The following PDE5A variants were observed in gnomAD, a reference collection of about 807,000 sequenced individuals.
PDE5A encodes the protein cGMP-specific 3',5'-cyclic phosphodiesterase.
PDE5A carries 67 observed loss-of-function variants against 110.2 expected under a neutral mutation model. That is an observed-to-expected ratio of 0.61 (90% CI 0.50 to 0.75). The LOEUF is 0.75. Ranked by LOEUF, PDE5A falls within the 30% of genes least tolerant of loss-of-function variation. The pLI, the probability that PDE5A is intolerant of heterozygous loss-of-function variation, is 0.00. For missense variants in PDE5A, 862 were observed against 1,045.1 expected, an observed-to-expected ratio of 0.82 and a Z score of 2.42; for synonymous variants, 328 against 351.2, an observed-to-expected ratio of 0.93 and a Z score of 0.74.
At chr4:119,605,226 T>G (rs1019605858) in intron 2 of PDE5A, among the ~76,000 whole-genome samples, 2 of 152,164 alleles carry the variant, frequency 1.3e-5, no homozygotes, top group African/African-American at 4.8e-5. Context: ...ATCCACACAC[T>G]TACATGGTCC....
chr4:119,609,828 T>C (rs891005654), intron 1 of PDE5A, among the ~76,000 whole-genome samples: 22 of 152,214 alleles, frequency 1.4e-4, no homozygotes, highest in African/African-American at 5.1e-4. Flanking sequence ...GTAAACTACC[T>C]TGACTTAGCC....
chr4:119,583,604 C>G (rs1009541967), intron 3 of PDE5A, among the ~76,000 whole-genome samples: 1 of 152,186 alleles, frequency 6.6e-6, no homozygotes, highest in Admixed American at 6.5e-5. Flanking sequence ...TAAGCTTATT[C>G]ATTTCTAGCT....
At chr4:119,503,845 C>T (rs1578723007) in intron 18 of PDE5A, among the ~76,000 whole-genome samples, 1 of 151,972 alleles carries the variant, frequency 6.6e-6, no homozygotes, top group South Asian at 2.1e-4. Context: ...AAAAGAAAAG[C>T]CTTTGTATGT....
chr4:119,620,115 C>A (rs1730090566), intron 1 of PDE5A, among the ~76,000 whole-genome samples: 2 of 152,162 alleles, frequency 1.3e-5, no homozygotes, highest in Admixed American at 1.3e-4. Flanking sequence ...GTGTCACCAC[C>A]AAATGCCAAC....
At chr4:119,565,259 G>A in intron 5 of PDE5A, 62 bp downstream of exon 5, 1 of 1,127,352 alleles carries the variant, frequency 8.9e-7, no homozygotes, top group South Asian at 1.3e-5. Flanking sequence ...ACATTACTTG[G>A]ATAAAAATGT....
chr4:119,551,417 A>C (rs1289540550), intron 9 of PDE5A, among the ~76,000 whole-genome samples: 1 of 152,196 alleles, frequency 6.6e-6, no homozygotes, highest in African/African-American at 2.4e-5. Context: ...AATCAGAACA[A>C]GGGAAATCAG....
chr4:119,522,384 C>G (rs1726158416), intron 12 of PDE5A, among the ~76,000 whole-genome samples: 1 of 151,854 alleles, frequency 6.6e-6, no homozygotes, highest in Non-Finnish European at 1.5e-5. Flanking sequence ...TACTGGGAGA[C>G]TAATCTTACT....
chr4:119,618,892 G>T (rs888311944), intron 1 of PDE5A, among the ~76,000 whole-genome samples: 8 of 152,132 alleles, frequency 5.3e-5, no homozygotes, highest in African/African-American at 1.9e-4. Flanking sequence ...AAAGTAGGGT[G>T]ATACCAATCC....
chr4:119,501,542 G>T (rs2110451789), intron 19 of PDE5A, among the ~76,000 whole-genome samples: 1 of 152,232 alleles, frequency 6.6e-6, no homozygotes, highest in Middle Eastern at 3.4e-3. Context: ...CAAGGGATCT[G>T]ACTGCCTTGG....
chr4:119,610,401 C>G (rs1729702329), intron 1 of PDE5A, among the ~76,000 whole-genome samples: 1 of 152,192 alleles, frequency 6.6e-6, no homozygotes, highest in Admixed American at 6.5e-5. Context: ...GGACATGTTA[C>G]TAAACTGTTA....
At chr4:119,574,041 C>G (rs528305478) in intron 3 of PDE5A, among the ~76,000 whole-genome samples, 3 of 152,248 alleles carry the variant, frequency 2.0e-5, no homozygotes, top group African/African-American at 7.2e-5. Flanking sequence ...ACAGAGCAAT[C>G]TGATGTTCAG....
At chr4:119,618,621 C>G (rs1479444463) in intron 1 of PDE5A, among the ~76,000 whole-genome samples, 1 of 150,790 alleles carries the variant, frequency 6.6e-6, no homozygotes, top group Non-Finnish European at 1.5e-5. Context: ...TACTTAGAGA[C>G]TTTTTTTTTG....
intron 3 of PDE5A, among the ~76,000 whole-genome samples, chr4:119,567,408 G>C (rs10021823): frequency 0.023 from 3,436 of 152,198 alleles, 134 homozygotes; most frequent in African/African-American, 0.078. Flanking sequence ...CATTTTGAAT[G>C]AAATTATTTT....
intron 14 of PDE5A, among the ~76,000 whole-genome samples, chr4:119,518,222 AAAAAATGCTCAGT>A (rs1389472575): frequency 6.6e-6 from 1 of 152,254 alleles, no homozygotes; most frequent in East Asian, 1.9e-4. Context: ...TTGTGTACTT[AAAAAATGCTCAGT>A]AGTAAGAGAT....
At chr4:119,545,986 T>G (rs1157958347) in intron 9 of PDE5A, among the ~76,000 whole-genome samples, 1 of 152,202 alleles carries the variant, frequency 6.6e-6, no homozygotes, top group Non-Finnish European at 1.5e-5. Context: ...CCAGAATAAT[T>G]ATCCTTACAA....
At chr4:119,558,021 T>A (rs1727604242) in intron 7 of PDE5A, among the ~76,000 whole-genome samples, 1 of 152,214 alleles carries the variant, frequency 6.6e-6, no homozygotes, top group South Asian at 2.1e-4. Flanking sequence ...TAAAGTTAAT[T>A]AGTATGGAAT....
intron 11 of PDE5A, among the ~76,000 whole-genome samples, chr4:119,535,241 G>A (rs759941988): frequency 2.4e-4 from 37 of 152,064 alleles, no homozygotes; most frequent in Admixed American, 1.3e-4. Context: ...TAATGACAGA[G>A]GCCTTGAGTC....
intron 11 of PDE5A, chr4:119,528,711 T>A (rs1213648438): frequency 6.6e-6 from 1 of 152,126 alleles, no homozygotes; most frequent in Non-Finnish European, 1.5e-5. Flanking sequence ...TTCTCTGATA[T>A]ATTAATACAT....
intron 1 of PDE5A, among the ~76,000 whole-genome samples, chr4:119,624,625 C>A (rs1311857907): frequency 2.0e-5 from 3 of 152,096 alleles, no homozygotes; most frequent in Admixed American, 2.0e-4. Context: ...TTTGCCTGTA[C>A]AAAACAAAGC....
Sources: allele counts gnomAD v4.1 joint callset (sites outside exome capture counted in the v4.1 genomes callset), GRCh38; gene constraint gnomAD v4.1.1; transcripts MANE v1.5; gene names NCBI Gene and HGNC (gene_info 2026-07-23, HGNC 2026-07-21).